Variants in WLS observed in about 807,000 individuals in gnomAD.
The protein encoded by WLS is Wnt ligand secretion mediator.
WLS carries 23 observed loss-of-function variants against 62.8 expected under a neutral mutation model. That is an observed-to-expected ratio of 0.37 (90% CI 0.26 to 0.52). The LOEUF (loss-of-function observed/expected upper bound fraction) is 0.52, where lower values mean the gene tolerates loss of function less well. WLS is among the 20% of genes least tolerant of loss of function. The pLI is 0.92. For synonymous variants in WLS, 246 were observed against 244.1 expected (o/e 1.01, Z -0.07); for missense variants, 615 against 697.3 (o/e 0.88, Z 1.33).
chr1:68,122,136 T>C (rs541041201), downstream of WLS, among the ~76,000 whole-genome samples: 34 of 152,358 alleles, frequency 2.2e-4, no homozygotes, highest in African/African-American at 7.5e-4. Flanking sequence ...TGATTCAATT[T>C]GAAAGAGTAG....
intron 1 of WLS, among the ~76,000 whole-genome samples, chr1:68,225,926 T>C (rs1650122120): frequency 6.6e-6 from 1 of 152,176 alleles, no homozygotes; most frequent in African/African-American, 2.4e-5. Context: ...CTCAAACATT[T>C]GATGGTTAAC....
At chr1:68,185,077 A>G (rs947892684) in intron 2 of WLS, among the ~76,000 whole-genome samples, 2 of 152,162 alleles carry the variant, frequency 1.3e-5, no homozygotes, top group Admixed American at 1.3e-4. Context: ...CAAGCAAGCA[A>G]TCAATCACTT....
chr1:68,220,978 G>A lies in WLS; in HGVS notation c.106+11216C>T, dbSNP rs183162705. Among the ~76,000 whole-genome samples the A allele has an allele frequency of 1.7e-3, 262 of 152,188 alleles. 2 individuals carry two copies. The highest frequency in any genetic ancestry group is 6.0e-3 in the African/African-American group (248 of 41,520). On this transcript the variant is annotated intron_variant, in intron 1 of 11. Coordinates refer to ENST00000262348, the MANE Select transcript of WLS (RefSeq NM_024911.7). ...TAAACTTTCTCTTTTTCAAGAAGTA[G>A]GTGGGGGAGGGAAGGAAGGTATTGG...
At chr1:68,181,760 TAA>T (rs1198515686) in intron 2 of WLS, among the ~76,000 whole-genome samples, 1 of 152,240 alleles carries the variant, frequency 6.6e-6, no homozygotes, top group Non-Finnish European at 1.5e-5. Flanking sequence ...CTCCAGCTGC[TAA>T]ATTAAAGGAT....
At chr1:68,207,740 G>A (rs1186741232) in intron 1 of WLS, among the ~76,000 whole-genome samples, 1 of 152,228 alleles carries the variant, frequency 6.6e-6, no homozygotes, top group Non-Finnish European at 1.5e-5. Flanking sequence ...TAGCCTTGTA[G>A]AATGCCAGTT....
chr1:68,160,279 A>G (rs1400087075), intron 2 of WLS, among the ~76,000 whole-genome samples: 2 of 152,120 alleles, frequency 1.3e-5, no homozygotes, highest in African/African-American at 2.4e-5. Context: ...GGGGTAAATT[A>G]AAATCAGAAT....
chr1:68,101,586 C>T lies in WLS; in HGVS notation c.1511-2833G>A, dbSNP rs190373867. Among the ~76,000 whole-genome samples the T allele has an allele frequency of 3.2e-3, 495 of 152,314 alleles. 4 individuals carry two copies. Among genetic ancestry groups the T allele is most frequent in the African/African-American group, 0.01 (428 of 41,562 alleles). Reference sequence around the variant, plus strand: ...AGTGTGTTCCTGAGAGTGCTGTCTTCTCTCTCTGACCCTTAAACAAATATG... The same window carrying T: ...AGTGTGTTCCTGAGAGTGCTGTCTTTTCTCTCTGACCCTTAAACAAATATG... On this transcript the variant is annotated intron_variant, in intron 11 of 11. Coordinates refer to the WLS transcript ENST00000354777.
At chr1:68,162,146 G>A in intron 2 of WLS, 2 of 1,487,766 alleles carry the variant, frequency 1.3e-6, no homozygotes. Flanking sequence ...GTGCAGATAA[G>A]ATTCGGTGCA....
At chr1:68,157,797 C>T (rs928066937) in intron 3 of WLS, among the ~76,000 whole-genome samples, 1 of 152,182 alleles carries the variant, frequency 6.6e-6, no homozygotes, top group Non-Finnish European at 1.5e-5. Context: ...CAGGCAAACA[C>T]CCTTCCCCCT....
chr1:68,126,378 G>T (rs768478024), intron 11 of WLS, 43 bp from the exon 12 acceptor site: 1 of 1,611,440 alleles, frequency 6.2e-7, no homozygotes, highest in African/African-American at 1.3e-5. Context: ...AAGGAGGAAG[G>T]AGAAGCAAGC....
chr1:68,161,073 A>G (rs1646965523), intron 2 of WLS, among the ~76,000 whole-genome samples: 1 of 152,260 alleles, frequency 6.6e-6, no homozygotes, highest in Non-Finnish European at 1.5e-5. Context: ...ATAAAACAGC[A>G]GAGGATCTGA....
chr1:68,122,823 C>T (rs755869884), downstream of WLS, among the ~76,000 whole-genome samples: 6 of 152,158 alleles, frequency 3.9e-5, no homozygotes, highest in Non-Finnish European at 7.3e-5. Flanking sequence ...ACTCCAACAC[C>T]CACTACACAT....
At chr1:68,120,409 T>C (rs1340343085), downstream of WLS, among the ~76,000 whole-genome samples, 1 of 152,162 alleles carries the variant, frequency 6.6e-6, no homozygotes, top group Non-Finnish European at 1.5e-5. Context: ...TGGACTAACA[T>C]CTCCCAATAA....
intron 5 of WLS, among the ~76,000 whole-genome samples, chr1:68,151,689 G>T (rs923689315): frequency 2.0e-5 from 3 of 152,202 alleles, no homozygotes; most frequent in African/African-American, 4.8e-5. Flanking sequence ...CAGCAGGTGT[G>T]AAGGCCCTGG....
intron 11 of WLS, among the ~76,000 whole-genome samples, chr1:68,137,025 G>A (rs1646620633): frequency 6.6e-6 from 1 of 152,200 alleles, no homozygotes; most frequent in South Asian, 2.1e-4. Flanking sequence ...AACAGAAAAA[G>A]CATCTATTAG....
intron 2 of WLS, among the ~76,000 whole-genome samples, chr1:68,174,963 C>T (rs1300100020): frequency 6.6e-6 from 1 of 152,128 alleles, no homozygotes; most frequent in Non-Finnish European, 1.5e-5. Context: ...CCCAAACTCC[C>T]TTATATGGAG....
chr1:68,125,970 T>A lies in WLS; in HGVS notation c.*256A>T. On this transcript the variant is annotated 3_prime_UTR_variant, in exon 12 of 12. Coordinates refer to ENST00000262348, the MANE Select transcript of WLS (RefSeq NM_024911.7). ...GCTACAGATGTTACTATGTCACTAA[T>A]TAACAATGATCACAGAAAATGTGTC... 1.6e-6 allele frequency: 2 copies of A among 1,235,666 alleles called. No individual in the cohort carries two copies. The allele number at this position is 1,235,666 out of a possible 1,614,324, so 76.5% of individuals were successfully genotyped here.
intron 1 of WLS, among the ~76,000 whole-genome samples, chr1:68,204,291 T>C (rs918829175): frequency 5.3e-5 from 8 of 152,186 alleles, no homozygotes; most frequent in African/African-American, 1.9e-4. Flanking sequence ...CTTGCAGTTT[T>C]AACATTCACA....
At position 68,186,453 on chromosome 1, in the gene WLS, C is replaced by T. The variant is rs1038851363; in HGVS notation, c.379+7502G>A. On this transcript the variant is annotated intron_variant, in intron 2 of 11. Transcript: ENST00000262348. ...TCAGAGCCCAAACATGAAATCTCTT[C>T]TCATTGTTTGAAATCTGAAACTCAT... is the stretch of plus-strand genomic sequence containing the variant. 9 of 374,746 alleles carry T rather than the reference C, an allele frequency of 2.4e-5. No homozygotes were observed. In the Admixed American group the frequency reaches 3.2e-4, roughly 13 times the overall value. The allele number at this position is 374,746 out of a possible 1,614,324, so 23.2% of individuals were successfully genotyped here. A position where few individuals can be genotyped will look rare whatever the true frequency, so the allele number is the denominator to read the frequency against.
Sources: gnomAD v4.1 joint callset for allele counts (sites outside exome capture counted in the v4.1 genomes callset) on GRCh38, gnomAD v4.1.1 for gene constraint, MANE v1.5 for transcripts, NCBI Gene and HGNC (gene_info 2026-07-23, HGNC 2026-07-21) for gene names.